The following ERC2 variants were observed in gnomAD, a reference collection of about 807,000 sequenced individuals.
The protein encoded by ERC2 is ERC protein 2.
Under a neutral mutation model 114.8 loss-of-function variants are expected in ERC2, and 42 were observed. The observed-to-expected ratio is 0.37, with a 90% CI of 0.29 to 0.47. ERC2 has a LOEUF of 0.47. ERC2 is among the 20% of genes least tolerant of loss of function. The pLI is 0.99. For synonymous variants in ERC2, 454 were observed against 425.5 expected, an observed-to-expected ratio of 1.07 and a Z score of -0.82; for missense variants, 939 against 1,150.7, an observed-to-expected ratio of 0.82 and a Z score of 2.66.
At chr3:56,065,789 A>C (rs1474286597) in intron 7 of ERC2, among the ~76,000 whole-genome samples, 1 of 151,898 alleles carries the variant, frequency 6.6e-6, no homozygotes. Context: ...ATGAGTGAGT[A>C]TATGTGGTGT....
intron 5 of ERC2, among the ~76,000 whole-genome samples, chr3:56,144,412 G>A (rs1238843380): frequency 1.3e-5 from 2 of 152,200 alleles, no homozygotes; most frequent in Non-Finnish European, 2.9e-5. Context: ...TCCAGCTGTA[G>A]CTGACAGCAC....
chr3:55,973,725 C>T (rs1412503181), intron 12 of ERC2, among the ~76,000 whole-genome samples: 6 of 152,066 alleles, frequency 3.9e-5, no homozygotes, highest in African/African-American at 1.4e-4. Context: ...AGACACTGGC[C>T]CATTAAAACT....
intron 17 of ERC2, among the ~76,000 whole-genome samples, chr3:55,662,256 A>G (rs925856251): frequency 3.3e-5 from 5 of 152,272 alleles, no homozygotes. Flanking sequence ...ATACGCCCAA[A>G]GGCATATACA....
chr3:56,218,942 G>C (rs2049702471), intron 3 of ERC2, among the ~76,000 whole-genome samples: 1 of 152,014 alleles, frequency 6.6e-6, no homozygotes, highest in Non-Finnish European at 1.5e-5. Context: ...TGAACAATGA[G>C]AACACATGGA....
intron 7 of ERC2, among the ~76,000 whole-genome samples, chr3:56,052,151 C>G (rs1370396967): frequency 1.3e-5 from 2 of 152,184 alleles, no homozygotes; most frequent in African/African-American, 4.8e-5. Context: ...CAACCAAGTT[C>G]AGAGGAAGCG....
intron 3 of ERC2, among the ~76,000 whole-genome samples, chr3:56,252,995 T>G (rs1407570238): frequency 6.6e-6 from 1 of 152,106 alleles, no homozygotes; most frequent in African/African-American, 2.4e-5. Context: ...TGTAGCAACT[T>G]TCAGAGTACT....
chr3:55,582,228 T>A (rs1485817499), intron 17 of ERC2, among the ~76,000 whole-genome samples: 49 of 152,224 alleles, frequency 3.2e-4, no homozygotes, highest in Admixed American at 3.2e-3. Flanking sequence ...TTGTGAACTC[T>A]GGTTTCACAG....
At chr3:56,297,432 T>C (rs1025829470) in intron 2 of ERC2, among the ~76,000 whole-genome samples, 14 of 152,140 alleles carry the variant, frequency 9.2e-5, no homozygotes, top group African/African-American at 2.9e-4. Flanking sequence ...TTATTTTGGG[T>C]CACCATTTTA....
chr3:56,381,300 AT>A (rs1397782114), intron 2 of ERC2, among the ~76,000 whole-genome samples: 3 of 152,140 alleles, frequency 2.0e-5, no homozygotes, highest in African/African-American at 7.2e-5. Flanking sequence ...TATTACAATC[AT>A]TCCTGGGTAT....
intron 14 of ERC2, among the ~76,000 whole-genome samples, chr3:55,793,048 G>A (rs1016097846): frequency 6.6e-6 from 1 of 152,104 alleles, no homozygotes; most frequent in Non-Finnish European, 1.5e-5. Context: ...GATAACTGTG[G>A]ATGCAATTTA....
chr3:55,539,215 T>C (rs115565819), intron 17 of ERC2, among the ~76,000 whole-genome samples: 6,111 of 152,172 alleles, frequency 0.04, 238 homozygotes, highest in African/African-American at 0.095. Context: ...AAAAGCCCAA[T>C]GCTGGAACTT....
At chr3:56,258,710 G>T (rs2052697218) in intron 3 of ERC2, among the ~76,000 whole-genome samples, 1 of 152,148 alleles carries the variant, frequency 6.6e-6, no homozygotes. Flanking sequence ...CAGGGAGCTG[G>T]CTGGATTTGG....
chr3:55,599,619 A>T (rs1245989000), intron 17 of ERC2, among the ~76,000 whole-genome samples: 1 of 152,192 alleles, frequency 6.6e-6, no homozygotes, highest in African/African-American at 2.4e-5. Context: ...TTCCTTTTAA[A>T]CTGGAGTTTT....
chr3:56,071,678 C>T (rs140690238), intron 7 of ERC2, among the ~76,000 whole-genome samples: 1 of 152,304 alleles, frequency 6.6e-6, no homozygotes, highest in African/African-American at 2.4e-5. Flanking sequence ...GGTAACTTTC[C>T]TAGCTTTGGT....
intron 17 of ERC2, among the ~76,000 whole-genome samples, chr3:55,549,109 G>A (rs1164668498): frequency 6.6e-6 from 1 of 152,176 alleles, no homozygotes; most frequent in East Asian, 1.9e-4. Flanking sequence ...AAAAGAGTGT[G>A]TATTAAACAG....
At chr3:55,813,206 TA>T (rs932879541) in intron 14 of ERC2, among the ~76,000 whole-genome samples, 2 of 152,336 alleles carry the variant, frequency 1.3e-5, no homozygotes, top group African/African-American at 4.8e-5. Context: ...CTTCTCAGGC[TA>T]TACTAGTTCG....
chr3:55,745,579 G>A (rs2066255035), intron 14 of ERC2, among the ~76,000 whole-genome samples: 1 of 152,144 alleles, frequency 6.6e-6, no homozygotes, highest in South Asian at 2.1e-4. Flanking sequence ...CCTCTCTGTT[G>A]ACCATTCAAT....
intron 6 of ERC2, among the ~76,000 whole-genome samples, chr3:56,122,485 T>C (rs2079634175): frequency 6.6e-6 from 1 of 152,168 alleles, no homozygotes; most frequent in South Asian, 2.1e-4. Flanking sequence ...ACAATGCAAA[T>C]GTAGTTTTGC....
intron 3 of ERC2, among the ~76,000 whole-genome samples, chr3:56,234,258 C>A (rs984020907): frequency 1.3e-5 from 2 of 152,164 alleles, no homozygotes; most frequent in African/African-American, 4.8e-5. Context: ...TTTCTCAGGT[C>A]CTGTACATCT....
Sources: gnomAD v4.1 joint callset for allele counts (sites outside exome capture counted in the v4.1 genomes callset) on GRCh38, gnomAD v4.1.1 for gene constraint, MANE v1.5 for transcripts, NCBI Gene and HGNC (gene_info 2026-07-23, HGNC 2026-07-21) for gene names.